SAMD13: variants seen among roughly 807,000 people sequenced by gnomAD.
SAMD13 encodes sterile alpha motif domain containing 13, also known as sterile alpha motif domain-containing protein 13.
Under a neutral mutation model 12.4 loss-of-function variants are expected in SAMD13, and 9 were observed. That is an observed-to-expected ratio of 0.72 (90% CI 0.44 to 1.26). SAMD13 has a LOEUF of 1.26. SAMD13 is among the 50% of genes most tolerant of loss of function. SAMD13 has a pLI of 0.00. For missense variants in SAMD13, 84 were observed against 119.6 expected (o/e 0.70, Z 1.39); for synonymous variants, 46 against 45.4 (o/e 1.01, Z -0.05).
chr1:84,322,879 T>A (rs1346801587), intron 2 of SAMD13, among the ~76,000 whole-genome samples: 2 of 152,320 alleles, frequency 1.3e-5, no homozygotes. Flanking sequence ...TGATGTTATA[T>A]CCCACTAGAA....
At position 84,333,829 on chromosome 1, in the gene SAMD13, G is replaced by A. The variant is rs116241330; in HGVS notation, c.165+8081G>A. Among the ~76,000 whole-genome samples, 562 of 152,036 alleles carry A rather than the reference G, an allele frequency of 3.7e-3. 5 individuals are homozygous for A. The highest frequency in any genetic ancestry group is 0.013 in the African/African-American group (535 of 41,494). On this transcript the variant is annotated intron_variant, in intron 3 of 3. Transcript: ENST00000394834. ...AGATGACCTTGTGGCTTGGGGTTTT[G>A]GGTCCGTTTATGTGATGAATCACAT...
upstream of SAMD13, among the ~76,000 whole-genome samples, chr1:84,300,668 G>A (rs1281713684): frequency 6.6e-6 from 1 of 152,184 alleles, no homozygotes; most frequent in Non-Finnish European, 1.5e-5. Flanking sequence ...AGGCAACCAT[G>A]TATGTTTTCT....
chr1:84,323,535 G>A (rs147020229), intron 2 of SAMD13, among the ~76,000 whole-genome samples: 90 of 152,150 alleles, frequency 5.9e-4, no homozygotes, highest in African/African-American at 2.1e-3. Flanking sequence ...TTTTAAATTA[G>A]GTGCTGTTGA....
chr1:84,348,329 T>C (rs528898749), intron 3 of SAMD13, among the ~76,000 whole-genome samples: 8 of 152,256 alleles, frequency 5.3e-5, no homozygotes, highest in African/African-American at 9.6e-5. Flanking sequence ...CTTCCCAGCC[T>C]GGCAAGCAAG....
upstream of SAMD13, among the ~76,000 whole-genome samples, chr1:84,300,521 C>T (rs2101782281): frequency 6.6e-6 from 1 of 152,304 alleles, no homozygotes; most frequent in East Asian, 1.9e-4. Context: ...CTGAATTCTA[C>T]AGGATATTAC....
At chr1:84,321,704 A>G (rs1487355023) in intron 2 of SAMD13, among the ~76,000 whole-genome samples, 2 of 152,244 alleles carry the variant, frequency 1.3e-5, no homozygotes, top group South Asian at 2.1e-4. Flanking sequence ...TTGGGGAGAC[A>G]TATTGTATTC....
chr1:84,338,235 G>C (rs552872669), intron 3 of SAMD13, among the ~76,000 whole-genome samples: 5 of 152,086 alleles, frequency 3.3e-5, no homozygotes, highest in African/African-American at 1.2e-4. Flanking sequence ...TACTGTAGTA[G>C]TCTATTTCAC....
intron 3 of SAMD13, among the ~76,000 whole-genome samples, chr1:84,332,040 A>G (rs1188292586): frequency 1.3e-5 from 2 of 152,160 alleles, no homozygotes; most frequent in Non-Finnish European, 2.9e-5. Flanking sequence ...AGCTCCATCC[A>G]TGTTGCTGCA....
At chr1:84,329,844 C>T (rs1028666801) in intron 3 of SAMD13, among the ~76,000 whole-genome samples, 58 of 152,112 alleles carry the variant, frequency 3.8e-4, no homozygotes, top group Non-Finnish European at 1.5e-4. Flanking sequence ...ACAGTGATGT[C>T]GCTACTCCTT....
chr1:84,302,656 A>G (rs1191229370), intron 1 of SAMD13: 1 of 986,942 alleles, frequency 1.0e-6, no homozygotes, highest in African/African-American at 1.7e-5. Context: ...GCCATCTCAC[A>G]GACGGGTTTT....
chr1:84,345,132 A>G (rs315527), intron 3 of SAMD13: 443,654 of 456,534 alleles, frequency 0.97, 215,981 homozygotes, highest in Non-Finnish European at 1. Flanking sequence ...TGTAAGCAGC[A>G]GACTGAGAAA....
At chr1:84,329,562 G>T (rs1039322710) in intron 3 of SAMD13, among the ~76,000 whole-genome samples, 2 of 152,188 alleles carry the variant, frequency 1.3e-5, no homozygotes, top group Admixed American at 1.3e-4. Context: ...TTTGTCCTGT[G>T]TTCCTGTGGT....
chr1:84,323,055 A>C (rs1054466199), intron 2 of SAMD13, among the ~76,000 whole-genome samples: 1 of 152,152 alleles, frequency 6.6e-6, no homozygotes, highest in Non-Finnish European at 1.5e-5. Flanking sequence ...AACCACAGGG[A>C]GATTGAATTC....
upstream of SAMD13, chr1:84,298,628 G>A (rs944187779): frequency 6.3e-6 from 8 of 1,262,864 alleles, no homozygotes; most frequent in Admixed American, 3.7e-5. Context: ...CTCTCTCCAG[G>A]ATGAAAGGAA....
chr1:84,340,106 A>G (rs986561861), intron 3 of SAMD13, among the ~76,000 whole-genome samples: 2 of 152,244 alleles, frequency 1.3e-5, no homozygotes, highest in African/African-American at 4.8e-5. Flanking sequence ...AAAAGAGGGA[A>G]TTAAACAGAT....
At chr1:84,311,189 A>T (rs35414788) in intron 2 of SAMD13, among the ~76,000 whole-genome samples, 310 of 152,158 alleles carry the variant, frequency 2.0e-3, no homozygotes, top group South Asian at 8.9e-3. Context: ...TACAAAAATT[A>T]TCCAGGCATG....
chr1:84,310,699 A>T (rs1678689171), intron 2 of SAMD13, among the ~76,000 whole-genome samples: 1 of 152,238 alleles, frequency 6.6e-6, no homozygotes. Context: ...AAGCAAAAGC[A>T]TATTGATTTC....
At chr1:84,318,546 A>G (rs567513989) in intron 2 of SAMD13, among the ~76,000 whole-genome samples, 13 of 152,244 alleles carry the variant, frequency 8.5e-5, no homozygotes, top group Admixed American at 7.2e-4. Flanking sequence ...ATAATGTTCC[A>G]TGTATGCTTG....
upstream of SAMD13, among the ~76,000 whole-genome samples, chr1:84,301,181 G>T (rs1354759799): frequency 1.3e-5 from 2 of 152,176 alleles, no homozygotes; most frequent in Non-Finnish European, 1.5e-5. Flanking sequence ...AGGATTTGCT[G>T]CTGGGCAGTG....
Sources: allele counts gnomAD v4.1 joint callset (sites outside exome capture counted in the v4.1 genomes callset), GRCh38; gene constraint gnomAD v4.1.1; transcripts MANE v1.5; gene names NCBI Gene and HGNC (gene_info 2026-07-23, HGNC 2026-07-21).